SGCZ: variants seen among roughly 807,000 people sequenced by gnomAD.
SGCZ encodes the protein zeta-sarcoglycan.
In SGCZ, 40 loss-of-function variants were observed where a neutral mutation model predicts 41.3. That is an observed-to-expected ratio of 0.97 (90% CI 0.75 to 1.26). SGCZ has a LOEUF of 1.26. SGCZ is among the 50% of genes most tolerant of loss of function. The pLI is 0.00. For synonymous variants in SGCZ, 206 were observed against 137.5 expected (o/e 1.50, Z -3.49); for missense variants, 552 against 369.8 (o/e 1.49, Z -4.04).
chr8:14,970,039 A>G (rs896171263), intron 1 of SGCZ, among the ~76,000 whole-genome samples: 4 of 152,124 alleles, frequency 2.6e-5, no homozygotes, highest in African/African-American at 9.7e-5. Flanking sequence ...AATTATAGTC[A>G]TTCTCATACA....
chr8:14,792,918 T>C (rs945873570), intron 1 of SGCZ, among the ~76,000 whole-genome samples: 6 of 152,272 alleles, frequency 3.9e-5, no homozygotes, highest in African/African-American at 1.2e-4. Flanking sequence ...TTAAATACTA[T>C]TGGCATGCTG....
intron 2 of SGCZ, among the ~76,000 whole-genome samples, chr8:14,431,861 G>A (rs779179173): frequency 6.6e-6 from 1 of 152,040 alleles, no homozygotes; most frequent in African/African-American, 2.4e-5. Flanking sequence ...ATCAAAAAGT[G>A]GGCTAAGGAT....
chr8:15,081,380 G>A (rs1450485718), intron 1 of SGCZ, among the ~76,000 whole-genome samples: 3 of 151,684 alleles, frequency 2.0e-5, no homozygotes, highest in Non-Finnish European at 2.9e-5. Flanking sequence ...ATGTTTTAAC[G>A]TTTTAAATGT....
chr8:14,115,855 C>T (rs913779484), intron 5 of SGCZ, among the ~76,000 whole-genome samples: 1 of 151,790 alleles, frequency 6.6e-6, no homozygotes, highest in African/African-American at 2.4e-5. Context: ...TTATTTTATT[C>T]TTCAAGCTCT....
At chr8:14,583,785 T>A (rs1221066864) in intron 1 of SGCZ, among the ~76,000 whole-genome samples, 3 of 152,042 alleles carry the variant, frequency 2.0e-5, no homozygotes, top group Admixed American at 6.6e-5. Context: ...CAATCATCTA[T>A]ATGATATTCA....
At chr8:14,893,699 C>T (rs373307482) in intron 1 of SGCZ, among the ~76,000 whole-genome samples, 31 of 152,230 alleles carry the variant, frequency 2.0e-4, no homozygotes, top group African/African-American at 6.0e-4. Flanking sequence ...TGCTGATAAG[C>T]GCTCATGGCT....
At chr8:15,138,562 G>A (rs552000035) in intron 1 of SGCZ, among the ~76,000 whole-genome samples, 18 of 152,202 alleles carry the variant, frequency 1.2e-4, no homozygotes, top group Admixed American at 9.2e-4. Context: ...CCTCCATGCC[G>A]TTCTCATGAT....
intron 5 of SGCZ, among the ~76,000 whole-genome samples, chr8:14,158,437 T>A: frequency 6.6e-6 from 1 of 152,156 alleles, no homozygotes; most frequent in East Asian, 1.9e-4. Context: ...GCTGACTAGA[T>A]GGTGCCCACC....
chr8:15,041,390 G>C (rs1052783982), intron 1 of SGCZ, among the ~76,000 whole-genome samples: 2 of 151,842 alleles, frequency 1.3e-5, no homozygotes, highest in African/African-American at 2.4e-5. Flanking sequence ...AGTACACATA[G>C]TCCTTTTGAT....
chr8:15,046,871 A>G (rs1283610795), intron 1 of SGCZ, among the ~76,000 whole-genome samples: 2 of 152,160 alleles, frequency 1.3e-5, no homozygotes, highest in East Asian at 3.9e-4. Flanking sequence ...TAACAGTGAG[A>G]AAATATGTCT....
intron 1 of SGCZ, among the ~76,000 whole-genome samples, chr8:15,126,570 G>A (rs1807695870): frequency 6.6e-6 from 1 of 152,190 alleles, no homozygotes; most frequent in Non-Finnish European, 1.5e-5. Context: ...AAGAACTGAT[G>A]TGAAACGGAG....
At chr8:14,632,302 C>A (rs1806684355) in intron 1 of SGCZ, among the ~76,000 whole-genome samples, 1 of 152,018 alleles carries the variant, frequency 6.6e-6, no homozygotes, top group Admixed American at 6.6e-5. Flanking sequence ...GGATTACAGG[C>A]CTGAGCCACC....
chr8:14,351,582 A>G (rs1156266083), intron 2 of SGCZ, among the ~76,000 whole-genome samples: 1 of 151,268 alleles, frequency 6.6e-6, no homozygotes, highest in Non-Finnish European at 1.5e-5. Context: ...TATAATGTAT[A>G]TATTATATAG....
chr8:14,993,243 A>G (rs1802086778), intron 1 of SGCZ, among the ~76,000 whole-genome samples: 1 of 152,112 alleles, frequency 6.6e-6, no homozygotes, highest in Non-Finnish European at 1.5e-5. Context: ...GGTCTCTCCT[A>G]CCACAAGTCC....
At chr8:14,792,073 C>A (rs1345141676) in intron 1 of SGCZ, among the ~76,000 whole-genome samples, 1 of 152,140 alleles carries the variant, frequency 6.6e-6, no homozygotes, top group Non-Finnish European at 1.5e-5. Context: ...ACAGGAAACA[C>A]TGCATTAAGC....
intron 1 of SGCZ, among the ~76,000 whole-genome samples, chr8:15,111,343 A>G (rs1807044723): frequency 1.3e-5 from 2 of 152,122 alleles, no homozygotes; most frequent in Admixed American, 6.5e-5. Context: ...TCAGATGAAG[A>G]GGGAAAGTGC....
At chr8:14,734,313 TAAG>T (rs1251189941) in intron 1 of SGCZ, among the ~76,000 whole-genome samples, 1 of 152,062 alleles carries the variant, frequency 6.6e-6, no homozygotes, top group African/African-American at 2.4e-5. Flanking sequence ...TGTAATAAAA[TAAG>T]AACACATCAT....
intron 1 of SGCZ, among the ~76,000 whole-genome samples, chr8:14,773,145 T>C (rs1056907274): frequency 1.3e-4 from 20 of 152,186 alleles, no homozygotes; most frequent in African/African-American, 4.8e-4. Context: ...TGGTATCTCA[T>C]TGTGGTTTTG....
intron 3 of SGCZ, among the ~76,000 whole-genome samples, chr8:14,249,309 G>T (rs1412755261): frequency 6.6e-6 from 1 of 152,138 alleles, no homozygotes. Context: ...AGGCCTTCAT[G>T]TTTGGTTTAG....
Sources: allele counts gnomAD v4.1 joint callset (sites outside exome capture counted in the v4.1 genomes callset), GRCh38; gene constraint gnomAD v4.1.1; transcripts MANE v1.5; gene names NCBI Gene and HGNC (gene_info 2026-07-23, HGNC 2026-07-21).